The following GRM7 variants were observed in gnomAD, a reference collection of about 807,000 sequenced individuals.
GRM7 encodes the protein metabotropic glutamate receptor 7.
Under a neutral mutation model 84.5 loss-of-function variants are expected in GRM7, and 35 were observed. The ratio of observed to expected loss-of-function variants is 0.41; its 90% CI spans 0.32 to 0.55. The LOEUF is 0.55. Ranked by LOEUF, GRM7 falls within the 20% of genes least tolerant of loss-of-function variation. The pLI, the probability that GRM7 is intolerant of heterozygous loss-of-function variation, is 0.19. For missense variants in GRM7, 1,003 were observed against 1,194.6 expected (o/e 0.84, Z 2.36); for synonymous variants, 487 against 455.1 (o/e 1.07, Z -0.89).
At chr3:6,933,374 A>G (rs1697576468) in intron 1 of GRM7, among the ~76,000 whole-genome samples, 1 of 152,116 alleles carries the variant, frequency 6.6e-6, no homozygotes. Flanking sequence ...TGGACTCTAA[A>G]CTGATTGTAG....
chr3:7,380,197 G>A (rs1051472056), intron 4 of GRM7, among the ~76,000 whole-genome samples: 23 of 152,272 alleles, frequency 1.5e-4, no homozygotes, highest in African/African-American at 5.3e-4. Flanking sequence ...AGTCTTGAGT[G>A]TGTCTTTCAT....
intron 2 of GRM7, among the ~76,000 whole-genome samples, chr3:7,243,280 T>C (rs150898347): frequency 1.8e-3 from 274 of 152,226 alleles, no homozygotes; most frequent in African/African-American, 6.4e-3. Flanking sequence ...TGGCTTAAGG[T>C]AAAACAGTAT....
intron 1 of GRM7, among the ~76,000 whole-genome samples, chr3:6,971,623 AC>A (rs1475968006): frequency 6.6e-6 from 1 of 152,192 alleles, no homozygotes; most frequent in Non-Finnish European, 1.5e-5. Flanking sequence ...TAAATGGTTG[AC>A]TTTGACACCC....
intron 1 of GRM7, among the ~76,000 whole-genome samples, chr3:6,926,899 T>C (rs769105106): frequency 7.9e-5 from 12 of 152,210 alleles, no homozygotes; most frequent in Non-Finnish European, 1.8e-4. Context: ...TACCTGATAA[T>C]TTATTATAAT....
chr3:7,297,019 C>T (rs1377606608), intron 2 of GRM7, among the ~76,000 whole-genome samples: 2 of 151,828 alleles, frequency 1.3e-5, no homozygotes, highest in Non-Finnish European at 2.9e-5. Context: ...TTTTGCTTTA[C>T]CTTTTATTAT....
chr3:7,116,555 T>C (rs1197732912), intron 1 of GRM7, among the ~76,000 whole-genome samples: 1 of 152,114 alleles, frequency 6.6e-6, no homozygotes, highest in African/African-American at 2.4e-5. Flanking sequence ...TGTACTGTTA[T>C]TATATTTGTA....
chr3:6,882,160 C>A (rs983772182), intron 1 of GRM7, among the ~76,000 whole-genome samples: 1 of 152,024 alleles, frequency 6.6e-6, no homozygotes, highest in Non-Finnish European at 1.5e-5. Flanking sequence ...TACCTAGACC[C>A]TAACAGTTTT....
At chr3:7,714,458 A>C (rs749065355) in intron 9 of GRM7, among the ~76,000 whole-genome samples, 4 of 152,144 alleles carry the variant, frequency 2.6e-5, no homozygotes, top group Non-Finnish European at 5.9e-5. Context: ...GTCCCCTATT[A>C]CCTTGCTACA....
chr3:6,865,366 T>C (rs966021237), intron 1 of GRM7, among the ~76,000 whole-genome samples: 1 of 152,182 alleles, frequency 6.6e-6, no homozygotes, highest in Non-Finnish European at 1.5e-5. Context: ...GTAAGGTATA[T>C]TACAGTGGAA....
intron 1 of GRM7, among the ~76,000 whole-genome samples, chr3:6,938,466 T>C (rs1378728855): frequency 6.6e-6 from 1 of 152,130 alleles, no homozygotes; most frequent in Non-Finnish European, 1.5e-5. Flanking sequence ...CCGGTAAAAT[T>C]GAGAAAGATG....
intron 7 of GRM7, among the ~76,000 whole-genome samples, chr3:7,502,320 C>T (rs1699908363): frequency 6.6e-6 from 1 of 152,124 alleles, no homozygotes. Flanking sequence ...TAATATATTA[C>T]TCCTAAAAAT....
rs907890158 is a variant in GRM7 at position 7,487,261 on chromosome 3, A to T, written c.1515+25539A>T. Among the ~76,000 whole-genome samples, 6 of 152,218 alleles carry T rather than the reference A, an allele frequency of 3.9e-5. 1 individual carries two copies. The highest frequency in any genetic ancestry group is 1.4e-4 in the African/African-American group (6 of 41,468). On this transcript the variant is annotated intron_variant, in intron 7 of 9. Coordinates refer to ENST00000357716, the MANE Select transcript of GRM7 (RefSeq NM_000844.4). Reference sequence around the variant, plus strand: ...TAATTTAAAGACAAAGTTTATAATTAAAAGGAAAGCAGAGTCTGAAAATTT... The same window carrying T: ...TAATTTAAAGACAAAGTTTATAATTTAAAGGAAAGCAGAGTCTGAAAATTT...
At chr3:7,652,653 T>C (rs1333020243) in intron 8 of GRM7, among the ~76,000 whole-genome samples, 1 of 152,194 alleles carries the variant, frequency 6.6e-6, no homozygotes, top group Non-Finnish European at 1.5e-5. Flanking sequence ...CATGGCTCTT[T>C]TGCAGGAATA....
At chr3:7,537,463 A>T (rs1222705298) in intron 7 of GRM7, among the ~76,000 whole-genome samples, 2 of 152,198 alleles carry the variant, frequency 1.3e-5, no homozygotes, top group African/African-American at 4.8e-5. Context: ...ACCATAGCAG[A>T]TTCAAGGAAC....
chr3:7,333,857 G>A (rs1701303052), intron 4 of GRM7, among the ~76,000 whole-genome samples: 1 of 151,920 alleles, frequency 6.6e-6, no homozygotes. Context: ...ACAATTAGAA[G>A]AAAGAACTTC....
At chr3:7,381,637 C>T (rs897278600) in intron 4 of GRM7, among the ~76,000 whole-genome samples, 4 of 152,136 alleles carry the variant, frequency 2.6e-5, no homozygotes, top group African/African-American at 7.2e-5. Context: ...CTATGAGCCT[C>T]CATTTCCTCA....
intron 9 of GRM7, among the ~76,000 whole-genome samples, chr3:7,689,734 G>C (rs162210): frequency 0.059 from 8,906 of 152,196 alleles, 356 homozygotes; most frequent in South Asian, 0.13. Flanking sequence ...ACTATGTCAA[G>C]TTTTACATAT....
intron 1 of GRM7, among the ~76,000 whole-genome samples, chr3:7,110,741 C>T (rs1183325750): frequency 1.3e-5 from 2 of 152,004 alleles, no homozygotes; most frequent in African/African-American, 4.8e-5. Flanking sequence ...TTGAAAGGCT[C>T]ATGGATAAAG....
intron 1 of GRM7, among the ~76,000 whole-genome samples, chr3:7,003,310 C>A (rs934576682): frequency 1.3e-5 from 2 of 152,030 alleles, no homozygotes; most frequent in African/African-American, 4.8e-5. Flanking sequence ...TTCATTTACT[C>A]TTTCTACAAT....
Sources: gnomAD v4.1 joint callset for allele counts (sites outside exome capture counted in the v4.1 genomes callset) on GRCh38, gnomAD v4.1.1 for gene constraint, MANE v1.5 for transcripts, NCBI Gene and HGNC (gene_info 2026-07-23, HGNC 2026-07-21) for gene names.